The following TLR5 variants were observed in gnomAD, a reference collection of about 807,000 sequenced individuals.
TLR5 encodes toll-like receptor 5.
For missense variants in TLR5, 944 were observed against 999.8 expected (o/e 0.94, Z 0.75); for synonymous variants, 373 against 384.4 (o/e 0.97, Z 0.35).
intron 2 of TLR5, among the ~76,000 whole-genome samples, chr1:223,137,611 TTTGGCAA>T (rs373951284): frequency 8.3e-4 from 127 of 152,272 alleles, no homozygotes; most frequent in African/African-American, 2.8e-3. Flanking sequence ...ATACCATGAC[TTTGGCAA>T]TTCCCCAGAA....
At position 223,111,762 on chromosome 1, in the gene TLR5, T is replaced by C. The variant is rs1368295193; in HGVS notation, c.1270A>G (p.Thr424Ala). The change falls in exon 6 of 6, where the codon ACA becomes GCA. Residue 424 changes from threonine to alanine, a missense_variant. Thr to Ala is a moderately conservative substitution (Grantham distance 58). Transcript: ENST00000642603. Reference protein sequence around the residue: ...KLVTLPKINLTANLIHLSENR... With the variant: ...KLVTLPKINLAANLIHLSENR... ...TCTGATAAGTGGATGAGGTTCGCTG[T>C]AAGGTTGATCTTTGGCAAAGTCACT... is the stretch of plus-strand genomic sequence containing the variant. 1 of 1,614,170 alleles carries C rather than the reference T, an allele frequency of 6.2e-7. No homozygotes were observed. Among genetic ancestry groups the C allele is most frequent in the South Asian group, 1.1e-5 (1 of 91,086 alleles).
intron 2 of TLR5, among the ~76,000 whole-genome samples, chr1:223,139,591 G>A (rs1657754599): frequency 6.6e-6 from 1 of 152,156 alleles, no homozygotes; most frequent in Non-Finnish European, 1.5e-5. Flanking sequence ...GGAGAAGAGA[G>A]AGCCTAGGCC....
intron 2 of TLR5, 163 bp from the exon 3 acceptor site, chr1:223,137,426 C>G (rs139835225): frequency 6.6e-6 from 1 of 152,292 alleles, no homozygotes; most frequent in African/African-American, 2.4e-5. Context: ...TATGCATTTG[C>G]TATTATTGCT....
In TLR5 at chr1:223,131,770, A is replaced by G. The variant is rs964341598; in HGVS notation, c.-5+705T>C. On this transcript the variant is annotated intron_variant, in intron 5 of 5. Transcript: ENST00000642603. This position sits in a 1 kb window ranked among gnomAD's most constrained non-coding sequence, Gnocchi z 4.2. ...GTTGTTGTTTTTGTTTTGTAGAGAC[A>G]GGGTTCCACCATGTTGCCCAGACTG... is the stretch of plus-strand genomic sequence containing the variant. 2.0e-5 allele frequency among the ~76,000 whole-genome samples: 3 copies of G among 151,924 alleles called. No individual in the cohort carries two copies. Among genetic ancestry groups the G allele is most frequent in the Admixed American group, 1.3e-4 (2 of 15,248 alleles).
At chr1:223,140,334 G>A (rs575449688) in intron 2 of TLR5, among the ~76,000 whole-genome samples, 1 of 152,234 alleles carries the variant, frequency 6.6e-6, no homozygotes, top group African/African-American at 2.4e-5. Flanking sequence ...ATCACCTGAG[G>A]TCAGGAGTTC....
At chr1:223,119,622 G>A (rs1389516711) in intron 5 of TLR5, among the ~76,000 whole-genome samples, 1 of 152,044 alleles carries the variant, frequency 6.6e-6, no homozygotes, top group Non-Finnish European at 1.5e-5. Context: ...CATTAAAACA[G>A]AGATCTTCAG....
At chr1:223,124,760 T>A (rs1428693265) in intron 5 of TLR5, among the ~76,000 whole-genome samples, 1 of 152,116 alleles carries the variant, frequency 6.6e-6, no homozygotes, top group African/African-American at 2.4e-5. Context: ...TGCACCACCA[T>A]GCCTGGCTAA....
chr1:223,116,800 T>C (rs1656677134), intron 5 of TLR5, among the ~76,000 whole-genome samples: 1 of 152,094 alleles, frequency 6.6e-6, no homozygotes, highest in African/African-American at 2.4e-5. Context: ...TTACAAACCT[T>C]GAGCTAGACA....
chr1:223,117,526 T>C (rs2102884035), intron 5 of TLR5, among the ~76,000 whole-genome samples: 1 of 123,528 alleles, frequency 8.1e-6, no homozygotes, highest in East Asian at 2.3e-4. Flanking sequence ...TAGACTATAT[T>C]CTCCATACAG....
chr1:223,133,561 C>CG (rs1252457052), intron 4 of TLR5, among the ~76,000 whole-genome samples: 1 of 152,188 alleles, frequency 6.6e-6, no homozygotes, highest in African/African-American at 2.4e-5. Context: ...TCATTACCCC[C>CG]ATGCCCACGT....
intron 3 of TLR5, among the ~76,000 whole-genome samples, chr1:223,135,729 T>C (rs1657583273): frequency 6.6e-6 from 1 of 152,186 alleles, no homozygotes; most frequent in South Asian, 2.1e-4. Context: ...TCCTTCTTCA[T>C]TCTGGCAAAT....
chr1:223,127,074 G>T (rs1467854484), intron 5 of TLR5: 1 of 152,260 alleles, frequency 6.6e-6, no homozygotes, highest in African/African-American at 2.4e-5. Flanking sequence ...CATTTCAGGG[G>T]TGCCTCTGTT....
chr1:223,113,595 TC>T (rs1656478890), intron 5 of TLR5, among the ~76,000 whole-genome samples: 1 of 152,080 alleles, frequency 6.6e-6, no homozygotes, highest in South Asian at 2.1e-4. Flanking sequence ...CTTAATCTTT[TC>T]TTTTAAAAAA....
intron 5 of TLR5, among the ~76,000 whole-genome samples, chr1:223,117,562 C>CAAAAAAAAAAAA (rs66839180): frequency 3.8e-5 from 4 of 105,110 alleles, no homozygotes; most frequent in Admixed American, 9.9e-5. Context: ...ATGGTGTTCA[C>CAAAAAAAAAAAA]AAAAAAAAAA....
chr1:223,139,965 T>C (rs1412504305), intron 2 of TLR5, among the ~76,000 whole-genome samples: 1 of 152,212 alleles, frequency 6.6e-6, no homozygotes, highest in South Asian at 2.1e-4. Flanking sequence ...CAAATTCGGC[T>C]CAGGGGAGCC....
intron 5 of TLR5, chr1:223,129,416 C>A (rs1657309515): frequency 6.6e-6 from 1 of 152,514 alleles, no homozygotes; most frequent in East Asian, 1.9e-4. Flanking sequence ...AGCAGCGGAC[C>A]TGCCGCGGTT....
chr1:223,124,627 T>C (rs935000371), intron 5 of TLR5, among the ~76,000 whole-genome samples: 2 of 152,184 alleles, frequency 1.3e-5, no homozygotes, highest in African/African-American at 4.8e-5. Context: ...TATTTTTATT[T>C]TTTGAGATGA....
chr1:223,112,707 A>T lies in TLR5; in HGVS notation c.325T>A (p.Phe109Ile), dbSNP rs1656421888. The change falls in exon 6 of 6, where the codon TTC (phenylalanine) becomes ATC (isoleucine). Residue 109 changes from phenylalanine (F) to isoleucine (I), a missense_variant. Transcript: ENST00000642603. ...ILDLGSSKIY[F>I]LHPDAFQGLF... Reference sequence around the variant, plus strand: ...CCCTGAAAAGCATCTGGATGCAAGAAGTATATCTTACTACTTCCCAGGTCC... The same window carrying T: ...CCCTGAAAAGCATCTGGATGCAAGATGTATATCTTACTACTTCCCAGGTCC... 1 of 1,614,270 alleles carries T rather than the reference A, an allele frequency of 6.2e-7. No homozygotes were observed.
At chr1:223,116,446 A>G (rs2102879506) in intron 5 of TLR5, among the ~76,000 whole-genome samples, 1 of 152,172 alleles carries the variant, frequency 6.6e-6, no homozygotes, top group East Asian at 1.9e-4. Flanking sequence ...CTGTGGGTTC[A>G]TGGTCTTGCT....
Sources: allele counts gnomAD v4.1 joint callset (sites outside exome capture counted in the v4.1 genomes callset), GRCh38; gene constraint gnomAD v4.1.1; non-coding constraint Gnocchi (gnomAD v3.1); transcripts MANE v1.5; gene names NCBI Gene and HGNC (gene_info 2026-07-23, HGNC 2026-07-21).